GNB1: variants seen among roughly 807,000 people sequenced by gnomAD.
GNB1 encodes the protein guanine nucleotide-binding protein G(I)/G(S)/G(T) subunit beta-1.
A neutral mutation model predicts 42.9 loss-of-function variants in GNB1; 2 were observed. That is an observed-to-expected ratio of 0.05 (90% CI 0.02 to 0.15). GNB1 has a LOEUF of 0.15. Among genes scored for constraint, GNB1 ranks in the 10% least tolerant of loss-of-function variants. The pLI, the probability that GNB1 is intolerant of heterozygous loss-of-function variation, is 1.00. For synonymous variants in GNB1, 183 were observed against 174.7 expected (o/e 1.05, Z -0.38); for missense variants, 193 against 462.2 (o/e 0.42, Z 5.34).
chr1:1,813,170 AGTCAGT>A (rs1201466011), intron 5 of GNB1, among the ~76,000 whole-genome samples: 1 of 148,164 alleles, frequency 6.7e-6, no homozygotes, highest in East Asian at 2.0e-4. Flanking sequence ...TTTTTTTTTG[AGTCAGT>A]GTCACTCTGT....
At chr1:1,840,894 T>C (rs1236973419) in intron 1 of GNB1, among the ~76,000 whole-genome samples, 2 of 152,236 alleles carry the variant, frequency 1.3e-5, no homozygotes, top group Non-Finnish European at 2.9e-5. Context: ...ACATTTATTG[T>C]ATTTTTTTTA....
At chr1:1,871,592 G>T (rs988064941) in intron 1 of GNB1, among the ~76,000 whole-genome samples, 13 of 151,898 alleles carry the variant, frequency 8.6e-5, no homozygotes, top group Admixed American at 2.6e-4. Context: ...CCCCTCCACC[G>T]ACCATCACAA....
At chr1:1,824,243 A>G (rs2100979772) in intron 3 of GNB1, among the ~76,000 whole-genome samples, 1 of 152,356 alleles carries the variant, frequency 6.6e-6, no homozygotes, top group South Asian at 2.1e-4. Flanking sequence ...ACATACTTGC[A>G]TTAAATGTTT....
intron 1 of GNB1, among the ~76,000 whole-genome samples, chr1:1,881,942 C>G (rs1431153891): frequency 6.6e-6 from 1 of 152,150 alleles, no homozygotes; most frequent in Non-Finnish European, 1.5e-5. Flanking sequence ...CCTCCATCCC[C>G]ACCTGCCTGC....
intron 2 of GNB1, among the ~76,000 whole-genome samples, chr1:1,838,498 G>A (rs1195419143): frequency 2.7e-5 from 4 of 149,512 alleles, no homozygotes; most frequent in Non-Finnish European, 4.4e-5. Flanking sequence ...AGGCTGGAGT[G>A]CAGTGGTATG....
chr1:1,849,712 CT>C (rs1243495890), intron 1 of GNB1, among the ~76,000 whole-genome samples: 1 of 152,012 alleles, frequency 6.6e-6, no homozygotes, highest in East Asian at 1.9e-4. Context: ...GTATGAAATA[CT>C]TTTTTTCTGG....
At chr1:1,828,798 T>C (rs908164337) in intron 2 of GNB1, among the ~76,000 whole-genome samples, 2 of 151,910 alleles carry the variant, frequency 1.3e-5, no homozygotes, top group Non-Finnish European at 2.9e-5. Context: ...TCCCAACACT[T>C]TAGGAGGTCA....
At chr1:1,806,664 C>A (rs1045494904) in intron 5 of GNB1, 126 bp from the exon 6 acceptor site, 6 of 562,460 alleles carry the variant, frequency 1.1e-5, no homozygotes, top group Non-Finnish European at 1.9e-5. Flanking sequence ...TCAGACAAAG[C>A]CACTTATTTA....
rs6668338 is a variant in GNB1, at chr1:1,851,126, G to A, written c.-95-11888C>T. On this transcript the variant is annotated intron_variant, in intron 1 of 11. Transcript: ENST00000378609. ...CTACTAAAAATACAAAAATTAGCAA[G>A]GCGCCAGGCGCGGAGGCTCATGCCT... 8.2e-3 allele frequency among the ~76,000 whole-genome samples: 1,253 copies of A among 152,032 alleles called. 21 individuals are homozygous for A. The highest frequency in any genetic ancestry group is 0.029 in the African/African-American group (1,216 of 41,454).
At chr1:1,832,137 A>G (rs1013535561) in intron 2 of GNB1, 3 of 152,152 alleles carry the variant, frequency 2.0e-5, no homozygotes, top group South Asian at 2.1e-4. Flanking sequence ...CATTTTTATT[A>G]TAACTATTAG....
intron 1 of GNB1, among the ~76,000 whole-genome samples, chr1:1,874,379 C>T (rs931976630): frequency 2.0e-5 from 3 of 151,828 alleles, no homozygotes; most frequent in Non-Finnish European, 2.9e-5. Flanking sequence ...GAGGCTGAGG[C>T]GGGCGGACTG....
chr1:1,800,609 T>C (rs1446547142), intron 7 of GNB1, among the ~76,000 whole-genome samples: 2 of 152,156 alleles, frequency 1.3e-5, no homozygotes, highest in Non-Finnish European at 2.9e-5. Context: ...GGACAGAAGA[T>C]GCATTTGAAG....
chr1:1,871,821 C>A (rs1371485689), intron 1 of GNB1, among the ~76,000 whole-genome samples: 1 of 152,146 alleles, frequency 6.6e-6, no homozygotes, highest in Admixed American at 6.5e-5. Context: ...TTTCCCTACT[C>A]CCCTACACCC....
chr1:1,805,914 G>A (rs1646690504), intron 6 of GNB1, among the ~76,000 whole-genome samples: 1 of 152,100 alleles, frequency 6.6e-6, no homozygotes, highest in Non-Finnish European at 1.5e-5. Context: ...CTCTCCCACT[G>A]TTTTAGATCT....
chr1:1,810,531 GTC>G (rs1646760758), intron 5 of GNB1, among the ~76,000 whole-genome samples: 1 of 52,350 alleles, frequency 1.9e-5, no homozygotes, highest in African/African-American at 6.6e-5. Context: ...GTGAGACCCA[GTC>G]TCAAAAAAAA....
intron 3 of GNB1, among the ~76,000 whole-genome samples, chr1:1,819,705 ATTTT>A (rs34199353): frequency 7.6e-6 from 1 of 131,006 alleles, no homozygotes. Flanking sequence ...TGCCCGGCTA[ATTTT>A]TTTTTTTTTT....
chr1:1,828,150 A>G (rs554126939), intron 2 of GNB1, among the ~76,000 whole-genome samples: 3 of 152,082 alleles, frequency 2.0e-5, no homozygotes, highest in African/African-American at 7.2e-5. Flanking sequence ...GAGAAACCCC[A>G]TCTCTACTAA....
intron 1 of GNB1, among the ~76,000 whole-genome samples, chr1:1,862,842 C>T (rs1182542259): frequency 6.6e-6 from 1 of 152,166 alleles, no homozygotes; most frequent in Non-Finnish European, 1.5e-5. Flanking sequence ...TAAGGTATTA[C>T]ACGTAGGCAT....
intron 1 of GNB1, among the ~76,000 whole-genome samples, chr1:1,839,466 C>G (rs1162563975): frequency 1.3e-5 from 2 of 152,086 alleles, no homozygotes; most frequent in African/African-American, 4.8e-5. Context: ...CTTAGAAATG[C>G]CCCAGGGAAA....
Sources: gnomAD v4.1 joint callset for allele counts (sites outside exome capture counted in the v4.1 genomes callset) on GRCh38, gnomAD v4.1.1 for gene constraint, MANE v1.5 for transcripts, NCBI Gene and HGNC (gene_info 2026-07-23, HGNC 2026-07-21) for gene names.